Variants in ECSIT observed in about 807,000 individuals in gnomAD.
ECSIT encodes the protein evolutionarily conserved signaling intermediate in Toll pathway, mitochondrial.
In ECSIT, 29 loss-of-function variants were observed where a neutral mutation model predicts 36.8. That is an observed-to-expected ratio of 0.79 (90% CI 0.59 to 1.08). The LOEUF (loss-of-function observed/expected upper bound fraction) is 1.08. Ranked by LOEUF, ECSIT falls within the 50% of genes least tolerant of loss-of-function variation. The pLI, the probability that ECSIT is intolerant of heterozygous loss-of-function variation, is 0.00. For missense variants in ECSIT, 542 were observed against 581.0 expected (o/e 0.93, Z 0.69); for synonymous variants, 231 against 234.8 (o/e 0.98, Z 0.15).
At position 11,506,264 on chromosome 19, in the gene ECSIT, C is replaced by T. The variant is rs2302971; in HGVS notation, c.1216G>A (p.Gly406Arg). The change falls in exon 8 of 8, where the codon GGG becomes AGG. Residue 406 changes from glycine to arginine, a missense_variant. Coordinates refer to ENST00000270517, the MANE Select transcript of ECSIT (RefSeq NM_016581.5). ...TCGGGCAGGGGCGGCTCCTCCAGCC[C>T]TGCAGAGGATGTCTGGAGCTCCCGG... is the stretch of plus-strand genomic sequence containing the variant. ...STRELQTSSA[G>R]LEEPPLPEDH... The T allele has an allele frequency of 2.6e-3, 4,214 of 1,611,578 alleles. 116 individuals are homozygous for T. The East Asian group carries it at 0.065, about 25-fold the overall frequency.
Position 11,514,137 on chromosome 19 carries a change from G to A in ECSIT, c.181C>T (p.Pro61Ser). 6.2e-7 allele frequency: 1 copy of A among 1,613,934 alleles called. No individual in the cohort carries two copies. The highest frequency in any genetic ancestry group is 8.5e-7 in the Non-Finnish European group (1 of 1,179,850). The change falls in exon 3 of 8, where the codon CCC becomes TCC. Residue 61 changes from proline to serine, a missense_variant. Coordinates refer to ENST00000270517, the MANE Select transcript of ECSIT (RefSeq NM_016581.5). The stretch of plus-strand genomic sequence containing the variant: ...AGAGCCTTGGTGGGCCTCTGCCGGG[G>A]TTCCGGTGGGCTGGGAACCAGGGAC... ...EQSLVPSPPE[P>S]RQRPTKALVP...
intron 2 of ECSIT, among the ~76,000 whole-genome samples, chr19:11,515,042 T>A (rs1971962037): frequency 6.6e-6 from 1 of 151,374 alleles, no homozygotes; most frequent in Admixed American, 6.6e-5. Context: ...TTTCATCATG[T>A]TGGCCAGGCT....
chr19:11,525,389 C>A (rs1046104687), intron 1 of ECSIT, among the ~76,000 whole-genome samples: 1 of 151,672 alleles, frequency 6.6e-6, no homozygotes, highest in African/African-American at 2.4e-5. Flanking sequence ...ATACACCTGT[C>A]TGTGTTCTCA....
chr19:11,506,586 G>A (rs916717083), intron 7 of ECSIT, among the ~76,000 whole-genome samples, 158 bp from the exon 8 acceptor site: 3 of 144,174 alleles, frequency 2.1e-5, no homozygotes, highest in Non-Finnish European at 3.0e-5. Context: ...CCAGGCTGGA[G>A]TGCAGTGGCG....
chr19:11,524,531 A>T (rs1972173290), intron 1 of ECSIT, among the ~76,000 whole-genome samples: 1 of 152,136 alleles, frequency 6.6e-6, no homozygotes, highest in South Asian at 2.1e-4. Flanking sequence ...CTCAAAAATA[A>T]ATAAATAAAT....
chr19:11,513,242 A>T lies in ECSIT; in HGVS notation c.552T>A (p.Ile184=). Residue 184 remains isoleucine (I), a synonymous_variant, in exon 4 of 8, where the codon ATT becomes ATA. Coordinates refer to ENST00000270517, the MANE Select transcript of ECSIT (RefSeq NM_016581.5). Reference sequence around the variant, plus strand: ...GGTAGCTTTTGCGTCCAAAGATCTGAATCAGCAGGAACTCCGTCTCCTTGT... The same window carrying T: ...GGTAGCTTTTGCGTCCAAAGATCTGTATCAGCAGGAACTCCGTCTCCTTGT... ...MPNKETEFLL[I]QIFGRKSYPM... is the part of the protein sequence containing the mutation. The T allele has an allele frequency of 6.2e-7, 1 of 1,614,080 alleles. No individual in the cohort carries two copies. Among genetic ancestry groups the T allele is most frequent in the Admixed American group, 1.7e-5 (1 of 59,994 alleles).
intron 2 of ECSIT, among the ~76,000 whole-genome samples, chr19:11,515,363 A>AC: frequency 6.6e-6 from 1 of 151,784 alleles, no homozygotes; most frequent in South Asian, 2.1e-4. Flanking sequence ...TTGGCCTCCC[A>AC]AGTGCTGGGA....
At chr19:11,521,225 C>T (rs1164337085) in intron 1 of ECSIT, among the ~76,000 whole-genome samples, 2 of 152,178 alleles carry the variant, frequency 1.3e-5, no homozygotes, top group African/African-American at 2.4e-5. Flanking sequence ...ATAACTACTA[C>T]TGCCATGAAC....
intron 7 of ECSIT, 34 bp downstream of exon 7, chr19:11,507,423 A>C: frequency 6.4e-7 from 1 of 1,562,522 alleles, no homozygotes; most frequent in Non-Finnish European, 8.8e-7. Context: ...TTACGAGCAC[A>C]CATGTGAGCC....
intron 4 of ECSIT, among the ~76,000 whole-genome samples, chr19:11,511,964 C>CA (rs1186648514): frequency 6.6e-6 from 1 of 150,904 alleles, no homozygotes; most frequent in Admixed American, 6.6e-5. Context: ...ACCCGGGAGT[C>CA]AGAGTTGCAG....
intron 1 of ECSIT, chr19:11,522,369 C>G: frequency 1.2e-6 from 1 of 848,980 alleles, no homozygotes; most frequent in Non-Finnish European, 2.0e-6. Context: ...AGATAGCAGC[C>G]AGCAAGTCCC....
At chr19:11,513,739 A>T (rs1971925147) in intron 3 of ECSIT, 65 bp downstream of exon 3, 1 of 1,582,182 alleles carries the variant, frequency 6.3e-7, no homozygotes, top group African/African-American at 1.3e-5. Context: ...GCTGAGACTC[A>T]GGAGAGGTGC....
intron 4 of ECSIT, among the ~76,000 whole-genome samples, chr19:11,511,082 A>C (rs1370819847): frequency 6.6e-6 from 1 of 151,688 alleles, no homozygotes; most frequent in Non-Finnish European, 1.5e-5. Flanking sequence ...TACCTCCCCC[A>C]GGAAGCCCCA....
At chr19:11,520,452 G>A (rs555960642) in intron 1 of ECSIT, among the ~76,000 whole-genome samples, 7 of 152,090 alleles carry the variant, frequency 4.6e-5, no homozygotes, top group African/African-American at 1.2e-4. Context: ...GATTACAGGC[G>A]TGAGCCACCG....
At position 11,523,569 on chromosome 19, in the gene ECSIT, G is replaced by A. The variant is rs921347597; in HGVS notation, c.-23-4376C>T. ...GAAGCTGCCAAAGCCTTAGACAAGC[G>A]CCAAGCCCATCTTTGTGTGCTTGAT... On this transcript the variant is annotated intron_variant, in intron 1 of 7. Transcript: ENST00000270517. 37 of 1,041,902 alleles carry A rather than the reference G, an allele frequency of 3.6e-5. No homozygotes were observed. The South Asian group carries it at 4.6e-4, about 13-fold the overall frequency. The allele number at this position is 1,041,902 out of a possible 1,614,324, so 64.5% of individuals were successfully genotyped here.
chr19:11,514,381 C>T (rs981694710), intron 2 of ECSIT, among the ~76,000 whole-genome samples, 160 bp from the exon 3 acceptor site: 1 of 152,080 alleles, frequency 6.6e-6, no homozygotes, highest in Non-Finnish European at 1.5e-5. Context: ...TTACAAAGTG[C>T]GATAAAACAC....
intron 1 of ECSIT, among the ~76,000 whole-genome samples, chr19:11,526,866 T>A (rs1972226291): frequency 6.6e-6 from 1 of 151,862 alleles, no homozygotes; most frequent in Non-Finnish European, 1.5e-5. Flanking sequence ...ACTACAGGTG[T>A]GTGCCACCAC....
At chr19:11,515,156 T>G (rs987005794) in intron 2 of ECSIT, among the ~76,000 whole-genome samples, 1 of 144,674 alleles carries the variant, frequency 6.9e-6, no homozygotes, top group South Asian at 2.2e-4. Flanking sequence ...CAGGCTGGAG[T>G]GCAGTGGCGC....
In ECSIT at chr19:11,519,878, A is replaced by G. The variant is rs566731728; in HGVS notation, c.-23-685T>C. ...CAGCTACTGGGAAGGCTGACGTAGG[A>G]GAATTGCTTGAACCCAGGAGGCAGA... is the stretch of plus-strand genomic sequence containing the variant. On this transcript the variant is annotated intron_variant, in intron 1 of 7. Transcript: ENST00000270517. The surrounding 1 kb of genome is among the most constrained non-coding windows in gnomAD (Gnocchi z 4.4). The G allele has an allele frequency of 1.3e-5, 2 of 151,616 alleles. No individual in the cohort carries two copies. Among genetic ancestry groups the G allele is most frequent in the South Asian group, 4.2e-4 (2 of 4,778 alleles). The allele number at this position is 151,616 out of a possible 1,614,324, so 9.4% of individuals were successfully genotyped here.
Sources: gnomAD v4.1 joint callset for allele counts (sites outside exome capture counted in the v4.1 genomes callset) on GRCh38, gnomAD v4.1.1 for gene constraint, Gnocchi (gnomAD v3.1) non-coding constraint, MANE v1.5 for transcripts, NCBI Gene and HGNC (gene_info 2026-07-23, HGNC 2026-07-21) for gene names.